Variants in ZFHX4 observed in about 807,000 individuals in gnomAD.
ZFHX4 encodes zinc finger homeobox 4.
In ZFHX4, 56 loss-of-function variants were observed where a neutral mutation model predicts 267.6. The observed-to-expected ratio is 0.21, with a 90% CI of 0.17 to 0.26. The LOEUF (loss-of-function observed/expected upper bound fraction) is 0.26, where lower values mean the gene tolerates loss of function less well. Among genes scored for constraint, ZFHX4 ranks in the 10% least tolerant of loss-of-function variants. The pLI, the probability that ZFHX4 is intolerant of heterozygous loss-of-function variation, is 1.00. For synonymous variants in ZFHX4, 1,778 were observed against 1,665.6 expected (o/e 1.07, Z -1.64); for missense variants, 4,332 against 4,420.0 (o/e 0.98, Z 0.56).
intron 4 of ZFHX4, among the ~76,000 whole-genome samples, chr8:76,825,876 A>G (rs1172787958): frequency 6.6e-6 from 1 of 152,238 alleles, no homozygotes; most frequent in African/African-American, 2.4e-5. Flanking sequence ...CTTTGAGATG[A>G]AAGTGTAAGA....
chr8:76,805,810 G>C (rs544989970), intron 4 of ZFHX4, among the ~76,000 whole-genome samples: 1 of 151,842 alleles, frequency 6.6e-6, no homozygotes, highest in Admixed American at 6.6e-5. Flanking sequence ...TTTGGGTAAA[G>C]TGATATGAAA....
At chr8:76,849,738 G>A (rs758015823) in intron 8 of ZFHX4, 26 bp downstream of exon 8, 2 of 1,583,640 alleles carry the variant, frequency 1.3e-6, no homozygotes, top group Admixed American at 1.7e-5. Flanking sequence ...ATTGATGCAT[G>A]TGTGACATAA....
At chr8:76,778,613 A>G (rs1810467124) in intron 4 of ZFHX4, among the ~76,000 whole-genome samples, 174 bp downstream of exon 4, 1 of 152,150 alleles carries the variant, frequency 6.6e-6, no homozygotes, top group Non-Finnish European at 1.5e-5. Context: ...TTCCCATTAA[A>G]GCTTTCTTTT....
At chr8:76,722,170 C>T (rs539309997) in intron 3 of ZFHX4, among the ~76,000 whole-genome samples, 2 of 152,036 alleles carry the variant, frequency 1.3e-5, no homozygotes, top group Non-Finnish European at 2.9e-5. Flanking sequence ...ACCAATGTTC[C>T]TACTGTCAGA....
rs758221118 is a variant in ZFHX4, at chr8:76,705,268, C to G, written c.1180C>G (p.Gln394Glu). The G allele has an allele frequency of 2.5e-6, 4 of 1,613,988 alleles. No homozygotes were observed. The highest frequency in any genetic ancestry group is 4.5e-5 in the East Asian group (2 of 44,882). ...GSASTSSSAE[Q>E]PLGITQMPKA... ...CGCGAGCACCTCGAGCTCAGCAGAGCAGCCGCTGGGGATTACCCAAATGCC... is the reference window on the plus strand; with the variant it reads ...CGCGAGCACCTCGAGCTCAGCAGAGGAGCCGCTGGGGATTACCCAAATGCC... The change falls in exon 2 of 11, where the codon CAG becomes GAG. Residue 394 changes from glutamine to glutamate, a missense_variant. Gln to Glu is a conservative substitution (Grantham distance 29). Coordinates refer to ENST00000651372, the MANE Select transcript of ZFHX4 (RefSeq NM_024721.5).
At chr8:76,823,763 A>C (rs1811714222) in intron 4 of ZFHX4, among the ~76,000 whole-genome samples, 1 of 152,246 alleles carries the variant, frequency 6.6e-6, no homozygotes, top group Non-Finnish European at 1.5e-5. Context: ...GGTAAAAAAC[A>C]TTATCTAGTT....
intron 4 of ZFHX4, among the ~76,000 whole-genome samples, chr8:76,807,790 G>A (rs866161091): frequency 1.4e-4 from 21 of 152,168 alleles, no homozygotes; most frequent in African/African-American, 5.1e-4. Flanking sequence ...TCTGTATCCA[G>A]AGTTCCCTTT....
In ZFHX4 at chr8:76,851,493, A is replaced by C; in HGVS notation, c.4572A>C (p.Arg1524Ser). The change falls in exon 10 of 11, where the codon AGA (arginine) becomes AGC (serine). Residue 1524 changes from arginine (R) to serine (S), a missense_variant. Physicochemically the swap from Arg to Ser is moderately radical, Grantham distance 110. Coordinates refer to ENST00000651372, the MANE Select transcript of ZFHX4 (RefSeq NM_024721.5). ...AACCAAAGCGGACCTTACCTTTTAG[A>C]AAAGGGCCCAATTTTACGATGGAAA... ...GSEPKRTLPF[R>S]KGPNFTMEKF... 6.2e-7 allele frequency: 1 copy of C among 1,613,946 alleles called. No individual in the cohort carries two copies. Among genetic ancestry groups the C allele is most frequent in the Non-Finnish European group, 8.5e-7 (1 of 1,179,864 alleles).
chr8:76,831,993 T>A (rs1215757315), intron 4 of ZFHX4, among the ~76,000 whole-genome samples: 2 of 107,414 alleles, frequency 1.9e-5, no homozygotes, highest in East Asian at 6.8e-4. Flanking sequence ...AACATAATGG[T>A]TTTTTTAGTG....
rs571068385 is a variant in ZFHX4 at position 76,791,446 on chromosome 8, T to G, written c.3325+13007T>G. ...AGGTTTGGATTTTAACGTAGAAAAC[T>G]TTTGATAAATTCCCATTTATGTACT... On this transcript the variant is annotated intron_variant, in intron 4 of 10. Coordinates refer to ENST00000651372, the MANE Select transcript of ZFHX4 (RefSeq NM_024721.5). Among the ~76,000 whole-genome samples, 29 of 152,280 alleles carry G rather than the reference T, an allele frequency of 1.9e-4. No individual in the cohort carries two copies. The South Asian group carries it at 5.2e-3, about 27-fold the overall frequency.
chr8:76,772,903 G>T (rs1810300599), intron 3 of ZFHX4, among the ~76,000 whole-genome samples: 1 of 152,034 alleles, frequency 6.6e-6, no homozygotes, highest in South Asian at 2.1e-4. Flanking sequence ...GCCAAACCAA[G>T]TTCTAGTTTA....
chr8:76,771,353 C>T (rs910558243), intron 3 of ZFHX4, among the ~76,000 whole-genome samples: 1 of 152,162 alleles, frequency 6.6e-6, no homozygotes, highest in Non-Finnish European at 1.5e-5. Flanking sequence ...GCACCTAGAA[C>T]AGTGCACAAC....
At chr8:76,765,746 TTAGGTA>T (rs1810035403) in intron 3 of ZFHX4, among the ~76,000 whole-genome samples, 1 of 152,066 alleles carries the variant, frequency 6.6e-6, no homozygotes. Flanking sequence ...CACAGTACCG[TTAGGTA>T]TGGCACACTT....
At chr8:76,777,081 A>C (rs1214290915) in intron 3 of ZFHX4, among the ~76,000 whole-genome samples, 1 of 152,198 alleles carries the variant, frequency 6.6e-6, no homozygotes, top group Non-Finnish European at 1.5e-5. Context: ...TAAAAGAAGC[A>C]CATAAAAATA....
chr8:76,819,540 G>A lies in ZFHX4; in HGVS notation c.3326-13798G>A, dbSNP rs868169647. On this transcript the variant is annotated intron_variant, in intron 4 of 10. Transcript: ENST00000651372. ...ACATGAGGTGAAATGGAGCATTCGT[G>A]GTGGGTGCCGCTCTTCTGGGAGAAC... Among the ~76,000 whole-genome samples the A allele has an allele frequency of 3.9e-5, 6 of 152,236 alleles. No individual in the cohort carries two copies. The Middle Eastern group carries it at 0.01, about 259-fold the overall frequency.
chr8:76,721,590 G>A lies in ZFHX4; in HGVS notation c.3093+13542G>A, dbSNP rs149708469. Among the ~76,000 whole-genome samples the A allele has an allele frequency of 1.1e-3, 163 of 152,280 alleles. 1 individual carries two copies. Among genetic ancestry groups the A allele is most frequent in the Middle Eastern group, 3.4e-3 (1 of 294 alleles). On this transcript the variant is annotated intron_variant, in intron 3 of 10. Coordinates refer to ENST00000651372, the MANE Select transcript of ZFHX4 (RefSeq NM_024721.5). ...TTCACAGCTTTCCTGAATTCCAGAA[G>A]TTTGTAAGGACATTTTTAGTGCTTT...
chr8:76,835,238 T>C (rs1259090038), intron 5 of ZFHX4, among the ~76,000 whole-genome samples: 1 of 117,918 alleles, frequency 8.5e-6, no homozygotes, highest in African/African-American at 4.1e-5. Context: ...TATATATATA[T>C]ATGTATATAT....
intron 5 of ZFHX4, 33 bp from the exon 6 acceptor site, chr8:76,842,622 C>A: frequency 6.6e-7 from 1 of 1,513,382 alleles, no homozygotes; most frequent in South Asian, 1.2e-5. Context: ...GGGCGGTTTT[C>A]AGTTCTACTG....
rs78600602 is a variant in ZFHX4 at position 76,863,114 on chromosome 8, G to A, written c.9400G>A (p.Gly3134Ser). Reference sequence around the variant, plus strand: ...TTCAGCTTTAACACCTCCCGGTGCAGGCATGCTTGGGTTTCCTACTTCAGC... The same window carrying A: ...TTCAGCTTTAACACCTCCCGGTGCAAGCATGCTTGGGTTTCCTACTTCAGC... Reference protein sequence around the residue: ...NSNTLTPPGAGMLGFPTSATS... With the variant: ...NSNTLTPPGASMLGFPTSATS... The change falls in exon 11 of 11, where the codon GGC becomes AGC. Residue 3134 changes from glycine to serine, a missense_variant. Physicochemically the swap from Gly to Ser is moderately conservative, Grantham distance 56. This residue lies in a region of ZFHX4 where 1,648 missense variants were observed against 1,625.0 expected (regional missense o/e 1.01). Coordinates refer to ENST00000651372, the MANE Select transcript of ZFHX4 (RefSeq NM_024721.5). The A allele has an allele frequency of 4.1e-4, 632 of 1,527,830 alleles. 2 individuals are homozygous for A. The African/African-American group carries it at 7.6e-3, about 18-fold the overall frequency. The allele number at this position is 1,527,830 out of a possible 1,614,324, so 94.6% of individuals were successfully genotyped here.
Sources: gnomAD v4.1 joint callset for allele counts (sites outside exome capture counted in the v4.1 genomes callset) on GRCh38, gnomAD v4.1.1 for gene constraint, gnomAD v4.1.1 regional missense constraint, MANE v1.5 for transcripts, NCBI Gene and HGNC (gene_info 2026-07-23, HGNC 2026-07-21) for gene names.